Variants in CACNB2 observed in about 807,000 individuals in gnomAD.
CACNB2 encodes calcium voltage-gated channel auxiliary subunit beta 2, also known as voltage-dependent L-type calcium channel subunit beta-2.
A neutral mutation model predicts 73.3 loss-of-function variants in CACNB2; 42 were observed. The observed-to-expected ratio is 0.57, with a 90% CI of 0.45 to 0.74. The LOEUF is 0.74. Ranked by LOEUF, CACNB2 falls within the 30% of genes least tolerant of loss-of-function variation. The pLI, the probability that CACNB2 is intolerant of heterozygous loss-of-function variation, is 0.00. For synonymous variants in CACNB2, 348 were observed against 310.3 expected, an observed-to-expected ratio of 1.12 and a Z score of -1.28; for missense variants, 940 against 853.0, an observed-to-expected ratio of 1.10 and a Z score of -1.27.
chr10:18,253,927 G>A (rs535046393), intron 2 of CACNB2, among the ~76,000 whole-genome samples: 2 of 152,104 alleles, frequency 1.3e-5, no homozygotes, highest in African/African-American at 2.4e-5. Flanking sequence ...GGGTACAATA[G>A]GGCAAATGTA....
intron 2 of CACNB2, among the ~76,000 whole-genome samples, chr10:18,171,521 G>GAAAAAAAAAAAA (rs370201485): frequency 0.045 from 1,477 of 32,532 alleles, 356 homozygotes; most frequent in Non-Finnish European, 0.058. Flanking sequence ...TTTGATAGCA[G>GAAAAAAAAAAAA]AAAAAAAAAA....
chr10:18,479,704 GCTCGCT>G (rs1220320112), intron 3 of CACNB2, among the ~76,000 whole-genome samples: 4 of 151,694 alleles, frequency 2.6e-5, no homozygotes, highest in South Asian at 4.2e-4. Flanking sequence ...TCTCTCGCTC[GCTCGCT>G]CTCTCGCTCT....
intron 2 of CACNB2, among the ~76,000 whole-genome samples, chr10:18,386,633 C>A (rs1202371418): frequency 6.6e-6 from 1 of 152,022 alleles, no homozygotes; most frequent in African/African-American, 2.4e-5. Context: ...GTCTCGATCT[C>A]CTGACCTCGT....
In CACNB2 at chr10:18,526,465, G is replaced by A. The variant is rs1187984497; in HGVS notation, c.945-1123G>A. Reference sequence around the variant, plus strand: ...CCTGGCTATTTGATATTGTGAGGGGGCAGTGGAGGGCTGTAACTGAAACAG... The same window carrying A: ...CCTGGCTATTTGATATTGTGAGGGGACAGTGGAGGGCTGTAACTGAAACAG... On this transcript the variant is annotated intron_variant, in intron 9 of 13. Transcript: ENST00000324631. Among the ~76,000 whole-genome samples, 3 of 152,286 alleles carry A rather than the reference G, an allele frequency of 2.0e-5. No homozygotes were observed. In the East Asian group the frequency reaches 5.8e-4, roughly 29 times the overall value.
chr10:18,373,892 T>C (rs2042687486), intron 2 of CACNB2, among the ~76,000 whole-genome samples: 1 of 152,098 alleles, frequency 6.6e-6, no homozygotes, highest in South Asian at 2.1e-4. Flanking sequence ...AAAACAAAGT[T>C]AAGATGTAAA....
intron 2 of CACNB2, among the ~76,000 whole-genome samples, chr10:18,259,009 CTA>C (rs2037408290): frequency 6.6e-6 from 1 of 151,862 alleles, no homozygotes; most frequent in Non-Finnish European, 1.5e-5. Flanking sequence ...TGTCTATAGA[CTA>C]TGTTATTTTC....
At chr10:18,301,936 C>A (rs11013438) in intron 2 of CACNB2, among the ~76,000 whole-genome samples, 18,834 of 151,966 alleles carry the variant, frequency 0.12, 1,529 homozygotes, top group Admixed American at 0.18. Flanking sequence ...CATGAGCCAC[C>A]GCGCCCAGCC....
intron 2 of CACNB2, among the ~76,000 whole-genome samples, chr10:18,387,731 A>T (rs1468264430): frequency 6.6e-6 from 1 of 151,630 alleles, no homozygotes; most frequent in Non-Finnish European, 1.5e-5. Context: ...GACAGCTGTC[A>T]GCATAGTCAC....
At chr10:18,166,356 A>G (rs2032851574) in intron 2 of CACNB2, among the ~76,000 whole-genome samples, 1 of 152,024 alleles carries the variant, frequency 6.6e-6, no homozygotes, top group Non-Finnish European at 1.5e-5. Context: ...CCCAGGTTCA[A>G]GCGACTTTCA....
At chr10:18,207,991 C>T (rs1468433021) in intron 2 of CACNB2, among the ~76,000 whole-genome samples, 1 of 152,210 alleles carries the variant, frequency 6.6e-6, no homozygotes, top group Non-Finnish European at 1.5e-5. Context: ...GTATGTGCTG[C>T]TTTTAAAAAA....
intron 2 of CACNB2, among the ~76,000 whole-genome samples, chr10:18,243,093 A>G (rs1263092783): frequency 6.6e-6 from 1 of 152,096 alleles, no homozygotes; most frequent in African/African-American, 2.4e-5. Context: ...GATACTTTCT[A>G]AGTTGTCAAT....
Position 18,383,867 on chromosome 10 carries a change from G to A in CACNB2, c.214-18057G>A, listed in dbSNP as rs201635267. Among the ~76,000 whole-genome samples, 10 of 151,806 alleles carry A rather than the reference G, an allele frequency of 6.6e-5. No homozygotes were observed. In the East Asian group the frequency reaches 1.6e-3, roughly 24 times the overall value. ...ATTACAGGCACACACCACCACGCCC[G>A]GCTAATTTTTGTATTTTTAGTAGAG... On this transcript the variant is annotated intron_variant, in intron 2 of 13. Coordinates refer to ENST00000324631, the MANE Select transcript of CACNB2 (RefSeq NM_201596.3).
intron 2 of CACNB2, among the ~76,000 whole-genome samples, chr10:18,293,872 TAG>T (rs1259077497): frequency 1.3e-5 from 2 of 152,182 alleles, no homozygotes; most frequent in African/African-American, 4.8e-5. Flanking sequence ...CTTTAGGGCA[TAG>T]AGAGAGAGAC....
At chr10:18,281,718 A>C (rs2131702060) in intron 2 of CACNB2, among the ~76,000 whole-genome samples, 1 of 152,196 alleles carries the variant, frequency 6.6e-6, no homozygotes, top group Non-Finnish European at 1.5e-5. Context: ...GCCAAAATAA[A>C]GGAACATTAT....
At chr10:18,492,248 G>C (rs1159324449) in intron 3 of CACNB2, among the ~76,000 whole-genome samples, 1 of 152,104 alleles carries the variant, frequency 6.6e-6, no homozygotes, top group East Asian at 1.9e-4. Context: ...CCCACACTGG[G>C]GCTTACAATT....
intron 2 of CACNB2, among the ~76,000 whole-genome samples, chr10:18,324,988 G>A (rs1169746985): frequency 2.0e-5 from 3 of 152,282 alleles, no homozygotes; most frequent in East Asian, 1.9e-4. Context: ...TGAGCATGTC[G>A]CCTGTGCTGA....
Position 18,371,355 on chromosome 10 carries a change from C to G in CACNB2, c.214-30569C>G, listed in dbSNP as rs181907465. ...ATATCTCCTAATGCTATCCCTCCCCCCTTTCCCCGACCCCACAACGGGCCC... is the reference window on the plus strand; with the variant it reads ...ATATCTCCTAATGCTATCCCTCCCCGCTTTCCCCGACCCCACAACGGGCCC... On this transcript the variant is annotated intron_variant, in intron 2 of 13. Coordinates refer to ENST00000324631, the MANE Select transcript of CACNB2 (RefSeq NM_201596.3). Among the ~76,000 whole-genome samples, 347 of 152,258 alleles carry G rather than the reference C, an allele frequency of 2.3e-3. 1 individual carries two copies. The highest frequency in any genetic ancestry group is 7.9e-3 in the African/African-American group (328 of 41,554).
chr10:18,310,404 G>A (rs143216794), intron 2 of CACNB2, among the ~76,000 whole-genome samples: 5,644 of 151,304 alleles, frequency 0.037, 177 homozygotes, highest in Admixed American at 0.097. Context: ...TTGGGAGTTC[G>A]AGACCAGCCT....
At chr10:18,385,668 CAA>C (rs2043202771) in intron 2 of CACNB2, among the ~76,000 whole-genome samples, 1 of 140,188 alleles carries the variant, frequency 7.1e-6, no homozygotes, top group Non-Finnish European at 1.5e-5. Flanking sequence ...AAAATTTATT[CAA>C]ATGACAGCAA....
Sources: gnomAD v4.1 joint callset for allele counts (sites outside exome capture counted in the v4.1 genomes callset) on GRCh38, gnomAD v4.1.1 for gene constraint, MANE v1.5 for transcripts, NCBI Gene and HGNC (gene_info 2026-07-23, HGNC 2026-07-21) for gene names.